Variants in CACNA1C observed in about 807,000 individuals in gnomAD.
The protein encoded by CACNA1C is voltage-dependent L-type calcium channel subunit alpha-1C.
CACNA1C carries 30 observed loss-of-function variants against 229.0 expected under a neutral mutation model. That is an observed-to-expected ratio of 0.13 (90% CI 0.10 to 0.18). The LOEUF (loss-of-function observed/expected upper bound fraction) is 0.18, where lower values mean the gene tolerates loss of function less well. Among genes scored for constraint, CACNA1C ranks in the 10% least tolerant of loss-of-function variants. The probability of loss-of-function intolerance (pLI) is 1.00; values close to 1 mark genes in which losing one functional copy is unlikely to be tolerated. For missense variants in CACNA1C, 1,658 were observed against 2,845.0 expected, an observed-to-expected ratio of 0.58 and a Z score of 9.49; for synonymous variants, 1,114 against 1,132.5, an observed-to-expected ratio of 0.98 and a Z score of 0.33.
At chr12:2,069,520 C>A (rs1324925743) in intron 1 of CACNA1C, among the ~76,000 whole-genome samples, 1 of 152,168 alleles carries the variant, frequency 6.6e-6, no homozygotes, top group Non-Finnish European at 1.5e-5. Context: ...TGAAAGACAG[C>A]ATGTGGTCAC....
At chr12:2,098,912 TG>T (rs1412157732) in intron 1 of CACNA1C, among the ~76,000 whole-genome samples, 1 of 152,190 alleles carries the variant, frequency 6.6e-6, no homozygotes, top group East Asian at 1.9e-4. Flanking sequence ...GTTTTACAGA[TG>T]GGGACATTGA....
chr12:2,457,784 C>T (rs2099446738), intron 5 of CACNA1C, 78 bp downstream of exon 5: 45 of 1,262,942 alleles, frequency 3.6e-5, no homozygotes, highest in Non-Finnish European at 4.6e-5. Context: ...GCCAAGAACA[C>T]TCTGCAAAGG....
chr12:2,395,807 CATT>C (rs1338656282), intron 3 of CACNA1C, among the ~76,000 whole-genome samples: 1 of 152,206 alleles, frequency 6.6e-6, no homozygotes, highest in African/African-American at 2.4e-5. Context: ...TTTGCATTGA[CATT>C]AGCACAGATC....
chr12:2,141,939 C>T (rs1178906565), intron 3 of CACNA1C, among the ~76,000 whole-genome samples: 2 of 151,174 alleles, frequency 1.3e-5, no homozygotes, highest in East Asian at 1.9e-4. Flanking sequence ...GGAAGCCGGG[C>T]GGCTCTTTGA....
At chr12:2,076,153 A>G (rs918678271) in intron 1 of CACNA1C, among the ~76,000 whole-genome samples, 2 of 152,166 alleles carry the variant, frequency 1.3e-5, no homozygotes, top group African/African-American at 4.8e-5. Context: ...TGACTTGAGA[A>G]AAAAAGATCC....
intron 3 of CACNA1C, among the ~76,000 whole-genome samples, chr12:2,180,218 C>T (rs1200744492): frequency 1.3e-5 from 2 of 152,224 alleles, no homozygotes; most frequent in Admixed American, 1.3e-4. Context: ...CACAGAAACA[C>T]CACACACTCT....
rs1180424898 is a variant in CACNA1C at position 2,354,460 on chromosome 12, C to T, written c.478-94516C>T. ...ATGACTGCAGCCTGTAGGGAAACGC[C>T]GGGAGGAACAGGAGACTGTTGAGAA... On this transcript the variant is annotated intron_variant, in intron 3 of 46. Transcript: ENST00000399655. The surrounding 1 kb of genome is among the most constrained non-coding windows in gnomAD (Gnocchi z 4.6). 4.6e-5 allele frequency among the ~76,000 whole-genome samples: 7 copies of T among 152,090 alleles called. No homozygotes were observed. Among genetic ancestry groups the T allele is most frequent in the Admixed American group, 1.3e-4 (2 of 15,274 alleles).
At chr12:2,146,093 T>C (rs1165878975) in intron 3 of CACNA1C, among the ~76,000 whole-genome samples, 1 of 151,310 alleles carries the variant, frequency 6.6e-6, no homozygotes, top group Non-Finnish European at 1.5e-5. Flanking sequence ...TGCCTTCTAA[T>C]TCAACACTGG....
intron 3 of CACNA1C, among the ~76,000 whole-genome samples, chr12:2,415,336 C>G (rs528808120): frequency 6.6e-6 from 1 of 152,156 alleles, no homozygotes; most frequent in Non-Finnish European, 1.5e-5. Context: ...TTTCTACCTA[C>G]GTTTCCAAAC....
intron 9 of CACNA1C, among the ~76,000 whole-genome samples, chr12:2,545,567 C>T (rs1599571729): frequency 6.6e-6 from 1 of 152,162 alleles, no homozygotes; most frequent in East Asian, 1.9e-4. Context: ...CGAATTTGCT[C>T]TTTAACATCC....
intron 5 of CACNA1C, among the ~76,000 whole-genome samples, chr12:2,460,990 C>T (rs1369406925): frequency 1.3e-5 from 2 of 152,228 alleles, no homozygotes; most frequent in East Asian, 3.8e-4. Flanking sequence ...AGTATCTCCC[C>T]TGACTACAAA....
intron 3 of CACNA1C, among the ~76,000 whole-genome samples, chr12:2,392,230 C>A (rs539609773): frequency 6.6e-6 from 1 of 152,212 alleles, no homozygotes; most frequent in African/African-American, 2.4e-5. Context: ...GAAATGTAAA[C>A]GTGAGAATTA....
Position 2,403,693 on chromosome 12 carries a change from G to T in CACNA1C, c.478-45283G>T, listed in dbSNP as rs967305738. ...GAAGATGACTCGTGCAACCTGCAGG[G>T]CCCCTCCTCCATCTCTCCAGTCCAG... On this transcript the variant is annotated intron_variant, in intron 3 of 46. Coordinates refer to ENST00000399655, the MANE Select transcript of CACNA1C (RefSeq NM_000719.7). The surrounding 1 kb of genome is among the most constrained non-coding windows in gnomAD (Gnocchi z 4.1). Among the ~76,000 whole-genome samples the T allele has an allele frequency of 2.0e-5, 3 of 152,080 alleles. No homozygotes were observed. Among genetic ancestry groups the T allele is most frequent in the Admixed American group, 6.6e-5 (1 of 15,264 alleles).
chr12:2,088,448 A>G (rs376891677), intron 1 of CACNA1C, among the ~76,000 whole-genome samples: 14 of 152,194 alleles, frequency 9.2e-5, no homozygotes, highest in Middle Eastern at 3.2e-3. Flanking sequence ...GAGGCTTGGC[A>G]CAAGCTGGTT....
intron 1 of CACNA1C, among the ~76,000 whole-genome samples, chr12:2,085,750 A>C (rs1438710954): frequency 6.6e-6 from 1 of 152,076 alleles, no homozygotes; most frequent in Non-Finnish European, 1.5e-5. Context: ...CAAAAGCCTC[A>C]CTCAGATTAT....
At chr12:2,252,091 T>G (rs1053251873) in intron 3 of CACNA1C, among the ~76,000 whole-genome samples, 2 of 152,232 alleles carry the variant, frequency 1.3e-5, no homozygotes, top group Admixed American at 6.5e-5. Flanking sequence ...ATTAAAATTT[T>G]TATTGTTATT....
chr12:2,174,641 G>A (rs2096591483), intron 3 of CACNA1C, among the ~76,000 whole-genome samples: 1 of 152,022 alleles, frequency 6.6e-6, no homozygotes, highest in African/African-American at 2.4e-5. Flanking sequence ...TGAACAACAT[G>A]GGGGTTAGAG....
At position 2,665,837 on chromosome 12, in the gene CACNA1C, C is replaced by G; in HGVS notation, c.4526+129C>G. On this transcript the variant is annotated intron_variant, in intron 36 of 46. Transcript: ENST00000399655. This position sits in a 1 kb window ranked among gnomAD's most constrained non-coding sequence, Gnocchi z 5.9. ...TAGAAACACTGGATTGTATCACACC[C>G]TAGGGTGAAAGGTCAAGGGCCAGCA... The G allele has an allele frequency of 1.1e-6, 1 of 930,960 alleles. No homozygotes were observed. The highest frequency in any genetic ancestry group is 1.5e-6 in the Non-Finnish European group (1 of 647,362). The allele number at this position is 930,960 out of a possible 1,614,324, so 57.7% of individuals were successfully genotyped here.
At chr12:2,664,381 A>C (rs760031375) in intron 34 of CACNA1C, among the ~76,000 whole-genome samples, 54 of 152,346 alleles carry the variant, frequency 3.5e-4, no homozygotes, top group Non-Finnish European at 5.7e-4. Flanking sequence ...TTCTAAGTGG[A>C]TACCCAAGAT....
Sources: allele counts gnomAD v4.1 joint callset (sites outside exome capture counted in the v4.1 genomes callset), GRCh38; gene constraint gnomAD v4.1.1; non-coding constraint Gnocchi (gnomAD v3.1); transcripts MANE v1.5; gene names NCBI Gene and HGNC (gene_info 2026-07-23, HGNC 2026-07-21).